The following SUPT7L variants were observed in gnomAD, a reference collection of about 807,000 sequenced individuals.
SUPT7L encodes the protein STAGA complex 65 subunit gamma.
SUPT7L carries 15 observed loss-of-function variants against 35.7 expected under a neutral mutation model. The observed-to-expected ratio is 0.42, with a 90% CI of 0.28 to 0.65. The LOEUF (loss-of-function observed/expected upper bound fraction) is 0.65, where lower values mean the gene tolerates loss of function less well. SUPT7L is among the 30% of genes least tolerant of loss of function. The pLI, the probability that SUPT7L is intolerant of heterozygous loss-of-function variation, is 0.23. For missense variants in SUPT7L, 434 were observed against 522.2 expected (o/e 0.83, Z 1.65); for synonymous variants, 168 against 186.2 (o/e 0.90, Z 0.79).
chr2:27,646,653 T>C (rs79049569), downstream of SUPT7L, among the ~76,000 whole-genome samples: 4 of 150,546 alleles, frequency 2.7e-5, no homozygotes, highest in East Asian at 8.1e-4. Context: ...TGCAACCAAA[T>C]TGACTGTACT....
intron 2 of SUPT7L, chr2:27,661,721 GC>G: frequency 3.6e-6 from 3 of 825,494 alleles, no homozygotes; most frequent in Non-Finnish European, 4.9e-6. Flanking sequence ...AGCTACAACA[GC>G]ATCTGGAGCT....
At chr2:27,656,626 G>A (rs868502380) in intron 4 of SUPT7L, among the ~76,000 whole-genome samples, 1 of 149,582 alleles carries the variant, frequency 6.7e-6, no homozygotes, top group Admixed American at 6.6e-5. Context: ...TTGTCAGTAG[G>A]TCTGTGTTCT....
At chr2:27,645,604 G>A in the SUPT7L span, among the ~76,000 whole-genome samples, 7 of 151,956 alleles carry the variant, frequency 4.6e-5, no homozygotes, top group Admixed American at 3.3e-4. Context: ...TTTCAGGAGT[G>A]TTTCCAGTTT....
intron 2 of SUPT7L, 46 bp downstream of exon 2, chr2:27,662,132 TC>T: frequency 6.2e-7 from 1 of 1,613,964 alleles, no homozygotes; most frequent in Non-Finnish European, 8.5e-7. Context: ...AAGTCAGAAT[TC>T]CTTGGCTTAC....
At position 27,655,383 on chromosome 2, in the gene SUPT7L, C is replaced by T. The variant is rs1305676017; in HGVS notation, c.964G>A (p.Ala322Thr). Residue 322 changes from alanine (A) to threonine (T), a missense_variant, in exon 5 of 6, where the codon GCT (alanine) becomes ACT (threonine). By Grantham distance (58) the Ala-to-Thr change is moderately conservative. This residue lies in a region of SUPT7L where 159 missense variants were observed against 217.1 expected (regional missense o/e 0.73). Transcript: ENST00000337768. ...ERFPSNLEVE[A>T]SPQASSAEVN... ...GTCTTACTTGAAGCCTGTGGTGAAG[C>T]TTCAACCTCCAGGTTAGATGGGAAG... The T allele has an allele frequency of 1.9e-6, 3 of 1,573,200 alleles. No homozygotes were observed. The highest frequency in any genetic ancestry group is 1.7e-6 in the Non-Finnish European group (2 of 1,162,038).
At chr2:27,643,604 C>T in the SUPT7L span, among the ~76,000 whole-genome samples, 2,188 of 152,290 alleles carry the variant, frequency 0.014, 48 homozygotes, top group African/African-American at 0.049. The surrounding 1 kb of genome is among the most constrained non-coding windows in gnomAD (Gnocchi z 4.0). Context: ...TTAATTCTCA[C>T]ATGCCTTATA....
chr2:27,655,588 G>T lies in SUPT7L; in HGVS notation c.759C>A (p.Leu253=), dbSNP rs747263864. 2 of 1,591,998 alleles carry T rather than the reference G, an allele frequency of 1.3e-6. No individual in the cohort carries two copies. Among genetic ancestry groups the T allele is most frequent in the East Asian group, 4.5e-5 (2 of 44,232 alleles). The part of the protein sequence containing the change: ...HSYMLQISKQ[L]SEEYERIVNP... Reference sequence around the variant, plus strand: ...TGACAATCCTTTCATATTCTTCAGAGAGTTGCTTACTAATCTGTTGGCAAG... The same window carrying T: ...TGACAATCCTTTCATATTCTTCAGATAGTTGCTTACTAATCTGTTGGCAAG... Residue 253 remains leucine (L), a synonymous_variant, in exon 5 of 6, where the codon CTC becomes CTA. Transcript: ENST00000337768.
chr2:27,653,260 C>T lies in SUPT7L; in HGVS notation c.*225G>A, dbSNP rs1038656533. 3 of 568,710 alleles carry T rather than the reference C, an allele frequency of 5.3e-6. No homozygotes were observed. Among genetic ancestry groups the T allele is most frequent in the Non-Finnish European group, 9.2e-6 (3 of 326,156 alleles). The allele number at this position is 568,710 out of a possible 1,614,324, so 35.2% of individuals were successfully genotyped here. ...TTTGGTCTGATTGCCATGCCAGCAT[C>T]ATATTTTATCTGTGAAGGGTGGCTT... On this transcript the variant is annotated 3_prime_UTR_variant, in exon 6 of 6. Transcript: ENST00000337768.
At chr2:27,654,839 T>G (rs1674716590) in intron 5 of SUPT7L, among the ~76,000 whole-genome samples, 1 of 152,150 alleles carries the variant, frequency 6.6e-6, no homozygotes, top group South Asian at 2.1e-4. Flanking sequence ...GTGCTGAGAT[T>G]ACAGGCGTGA....
At chr2:27,644,771 C>T in the SUPT7L span, among the ~76,000 whole-genome samples, 1 of 132,068 alleles carries the variant, frequency 7.6e-6, no homozygotes, top group Non-Finnish European at 1.5e-5. Flanking sequence ...CTGGTCTGGA[C>T]CTCCTGGGCT....
chr2:27,647,787 A>G (rs1180601524), downstream of SUPT7L: 8 of 1,076,854 alleles, frequency 7.4e-6, no homozygotes, highest in African/African-American at 1.5e-5. Context: ...TAGTGATTCA[A>G]GATCACCTTT....
At chr2:27,655,217 A>G (rs1364449762) in intron 5 of SUPT7L, 148 bp downstream of exon 5, 3 of 616,164 alleles carry the variant, frequency 4.9e-6, no homozygotes, top group Non-Finnish European at 8.3e-6. Context: ...GGATCTCTAG[A>G]TAGGTGAAAC....
Position 27,655,667 on chromosome 2 carries a change from G to T in SUPT7L, c.745-65C>A, listed in dbSNP as rs184803849. ...AAAGCAAGTTGGATAGTCAGCTTGT[G>T]ACGTCCCATGGAAAAGCCAACAGAA... is the stretch of plus-strand genomic sequence containing the variant. On this transcript the variant is annotated intron_variant, in intron 4 of 5. Transcript: ENST00000337768. 6,347 of 1,365,814 alleles carry T rather than the reference G, an allele frequency of 4.6e-3. 66 individuals are homozygous for T. The highest frequency in any genetic ancestry group is 0.034 in the South Asian group (2,420 of 70,892). 84.6% of individuals were successfully genotyped at this position (1,365,814 alleles called of 1,614,324 possible).
At chr2:27,650,627 A>T (rs1234972022), downstream of SUPT7L, 1 of 154,184 alleles carries the variant, frequency 6.5e-6, no homozygotes, top group African/African-American at 2.4e-5. Flanking sequence ...CTGCACTGTA[A>T]GTTGCCCTTC....
intron 5 of SUPT7L, among the ~76,000 whole-genome samples, chr2:27,654,207 G>A (rs183122994): frequency 2.6e-5 from 4 of 152,286 alleles, no homozygotes; most frequent in Admixed American, 2.6e-4. Flanking sequence ...ACTACATAAT[G>A]CTAACAGCAG....
chr2:27,648,627 G>C (rs1168067074), downstream of SUPT7L, among the ~76,000 whole-genome samples: 1 of 152,134 alleles, frequency 6.6e-6, no homozygotes, highest in African/African-American at 2.4e-5. Context: ...ACTGTGCGCA[G>C]AATCTAATTG....
downstream of SUPT7L, among the ~76,000 whole-genome samples, chr2:27,648,428 T>G (rs1674350154): frequency 6.6e-6 from 1 of 151,966 alleles, no homozygotes; most frequent in Non-Finnish European, 1.5e-5. Flanking sequence ...CTGAGGTGGG[T>G]GGGTTGCTTG....
At chr2:27,642,956 T>TACACACACAC in the SUPT7L span, among the ~76,000 whole-genome samples, 4,331 of 85,402 alleles carry the variant, frequency 0.051, 84 homozygotes, top group Non-Finnish European at 0.071. Flanking sequence ...TATATATATA[T>TACACACACAC]ATACACACAC....
chr2:27,647,190 C>T (rs988310729), downstream of SUPT7L, among the ~76,000 whole-genome samples: 1 of 152,300 alleles, frequency 6.6e-6, no homozygotes, highest in East Asian at 1.9e-4. Flanking sequence ...GCTGAGCTCT[C>T]GCAAGCCTCA....
Sources: allele counts gnomAD v4.1 joint callset (sites outside exome capture counted in the v4.1 genomes callset), GRCh38; gene constraint gnomAD v4.1.1; regional missense constraint gnomAD v4.1.1; non-coding constraint Gnocchi (gnomAD v3.1); transcripts MANE v1.5; gene names NCBI Gene and HGNC (gene_info 2026-07-23, HGNC 2026-07-21).